The following ITGA6 variants were observed in gnomAD, a reference collection of about 807,000 sequenced individuals.
The protein encoded by ITGA6 is integrin alpha-6.
ITGA6 carries 63 observed loss-of-function variants against 133.6 expected under a neutral mutation model. The ratio of observed to expected loss-of-function variants is 0.47; its 90% CI spans 0.38 to 0.58. The LOEUF (loss-of-function observed/expected upper bound fraction) is 0.58. ITGA6 is among the 20% of genes least tolerant of loss of function. The pLI is 0.00. For missense variants in ITGA6, 1,068 were observed against 1,309.4 expected (o/e 0.82, Z 2.85); for synonymous variants, 434 against 482.0 (o/e 0.90, Z 1.30).
chr2:172,468,464 T>A (rs1174343421), intron 3 of ITGA6, among the ~76,000 whole-genome samples: 3 of 152,256 alleles, frequency 2.0e-5, no homozygotes, highest in Non-Finnish European at 4.4e-5. Flanking sequence ...AAAATTGATT[T>A]GATACTGTAT....
intron 1 of ITGA6, chr2:172,464,395 T>G (rs1253646216): frequency 6.6e-6 from 1 of 152,310 alleles, no homozygotes; most frequent in Non-Finnish European, 1.5e-5. Flanking sequence ...TGGCTTGTTT[T>G]CTGTTGTAAG....
In ITGA6 at chr2:172,504,112, A is replaced by C; in HGVS notation, c.*44A>C. 6.3e-7 allele frequency: 1 copy of C among 1,597,760 alleles called. No individual in the cohort carries two copies. Among genetic ancestry groups the C allele is most frequent in the Non-Finnish European group, 8.5e-7 (1 of 1,171,650 alleles). On this transcript the variant is annotated 3_prime_UTR_variant, in exon 26 of 26. Transcript: ENST00000684293. ...CTAGTGTGGATTCTTTAAACGCTCT[A>C]GGTACGATGACAGTGTTCCCCGATA...
chr2:172,501,201 A>C (rs1167578898), intron 24 of ITGA6, among the ~76,000 whole-genome samples: 1 of 152,184 alleles, frequency 6.6e-6, no homozygotes, highest in Non-Finnish European at 1.5e-5. Context: ...GGAAAATGAC[A>C]GCAATCATTC....
At chr2:172,447,406 T>G (rs1236882021) in intron 1 of ITGA6, among the ~76,000 whole-genome samples, 7 of 152,108 alleles carry the variant, frequency 4.6e-5, no homozygotes, top group Admixed American at 3.3e-4. Context: ...GGTTTTACCA[T>G]GTTGACTAGG....
At chr2:172,447,494 C>T (rs1344604007) in intron 1 of ITGA6, among the ~76,000 whole-genome samples, 2 of 152,118 alleles carry the variant, frequency 1.3e-5, no homozygotes, top group Non-Finnish European at 2.9e-5. Context: ...TGTGAGTCAC[C>T]ACACCCAGCC....
intron 1 of ITGA6, among the ~76,000 whole-genome samples, chr2:172,451,506 G>A (rs1231254240): frequency 1.3e-5 from 2 of 152,062 alleles, no homozygotes; most frequent in African/African-American, 4.8e-5. Flanking sequence ...GCCTGGCTGG[G>A]GGAGAAGCTG....
At chr2:172,441,558 TTA>T (rs1559116481) in intron 1 of ITGA6, among the ~76,000 whole-genome samples, 3 of 64,850 alleles carry the variant, frequency 4.6e-5, no homozygotes, top group East Asian at 1.0e-3. Flanking sequence ...CGCTGTCTCT[TTA>T]AAAAAAAAAA....
At chr2:172,427,403 G>T (rs547926969), upstream of ITGA6, 320 of 1,019,386 alleles carry the variant, frequency 3.1e-4, 1 homozygote, top group African/African-American at 5.1e-3. Flanking sequence ...CCGCGAGCTC[G>T]CCTCCGGGGC....
At chr2:172,465,931 T>C in intron 2 of ITGA6, 1 of 547,060 alleles carries the variant, frequency 1.8e-6, no homozygotes, top group Non-Finnish European at 3.3e-6. Context: ...TGTGTTGAGG[T>C]TCTGCAGGAG....
chr2:172,494,317 G>A (rs1177084217), intron 23 of ITGA6, among the ~76,000 whole-genome samples: 1 of 152,108 alleles, frequency 6.6e-6, no homozygotes, highest in Non-Finnish European at 1.5e-5. Flanking sequence ...GACCAGCCTG[G>A]GTAACATAGC....
intron 1 of ITGA6, among the ~76,000 whole-genome samples, chr2:172,461,291 T>A (rs2149030503): frequency 6.6e-6 from 1 of 152,330 alleles, no homozygotes. Context: ...GCCTTTTAAG[T>A]GTGGGTTTCT....
At position 172,431,009 on chromosome 2, in the gene ITGA6, A is replaced by G. The variant is rs1454723197; in HGVS notation, c.182+3039A>G. 2.6e-5 allele frequency among the ~76,000 whole-genome samples: 4 copies of G among 152,168 alleles called. No homozygotes were observed. The East Asian group carries it at 5.8e-4, about 22-fold the overall frequency. ...AAGAACCTAGAAGAAGGAGATCTATAAGAGATAGTCTCATGAAGTCATTTT... is the reference window on the plus strand; with the variant it reads ...AAGAACCTAGAAGAAGGAGATCTATGAGAGATAGTCTCATGAAGTCATTTT... On this transcript the variant is annotated intron_variant, in intron 1 of 25. Coordinates refer to ENST00000684293, the MANE Select transcript of ITGA6 (RefSeq NM_000210.4).
At chr2:172,480,075 T>C (rs1686366817) in intron 11 of ITGA6, 24 bp downstream of exon 11, 1 of 1,335,280 alleles carries the variant, frequency 7.5e-7, no homozygotes, top group Non-Finnish European at 1.1e-6. Flanking sequence ...ACCTTTAAAA[T>C]ATGTCTACTT....
intron 6 of ITGA6, among the ~76,000 whole-genome samples, chr2:172,474,725 T>C (rs1229423302): frequency 6.6e-6 from 1 of 152,174 alleles, no homozygotes; most frequent in Non-Finnish European, 1.5e-5. Flanking sequence ...ACTCGAGAAA[T>C]TGGCTTTGAG....
intron 9 of ITGA6, among the ~76,000 whole-genome samples, chr2:172,477,900 G>T (rs1686248157): frequency 1.3e-5 from 2 of 152,162 alleles, no homozygotes; most frequent in African/African-American, 4.8e-5. Context: ...GCACTTCAGG[G>T]TAGTTAGTAA....
intron 23 of ITGA6, 72 bp from the exon 24 acceptor site, chr2:172,497,903 T>G: frequency 6.4e-7 from 1 of 1,556,086 alleles, no homozygotes; most frequent in East Asian, 2.3e-5. Context: ...AAAGCAGAAT[T>G]AGAACCATAA....
rs1260623804 is a variant in ITGA6 at position 172,427,660 on chromosome 2, G to A, written c.-129G>A. The A allele has an allele frequency of 1.1e-5, 15 of 1,320,816 alleles. No homozygotes were observed. The highest frequency in any genetic ancestry group is 1.6e-5 in the African/African-American group (1 of 64,218). The allele number at this position is 1,320,816 out of a possible 1,614,324, so 81.8% of individuals were successfully genotyped here. On this transcript the variant is annotated 5_prime_UTR_variant, in exon 1 of 26. It adds an upstream start codon to the 5' untranslated region. Coordinates refer to ENST00000684293, the MANE Select transcript of ITGA6 (RefSeq NM_000210.4). ...ACGGAGAGCGCGACCCGTCCCGGGGGTGGGGCCGGGCGCAGCGGCGAGAGG... is the reference window on the plus strand; with the variant it reads ...ACGGAGAGCGCGACCCGTCCCGGGGATGGGGCCGGGCGCAGCGGCGAGAGG...
intron 24 of ITGA6, among the ~76,000 whole-genome samples, chr2:172,501,423 T>C (rs1687342389): frequency 6.6e-6 from 1 of 152,250 alleles, no homozygotes; most frequent in Non-Finnish European, 1.5e-5. Context: ...TTTGCCTCTT[T>C]TGGAGTTCAT....
rs1687475435 is a variant in ITGA6, at chr2:172,504,382, T to G, written c.*314T>G. On this transcript the variant is annotated 3_prime_UTR_variant, in exon 26 of 26. Transcript: ENST00000684293. ...AGAGTGACTACACACAGTACGAACC[T>G]ACAGTTTTAACTGTGGATATTGTTA... 1.6e-6 allele frequency: 1 copy of G among 634,302 alleles called. No homozygotes were observed. Among genetic ancestry groups the G allele is most frequent in the African/African-American group, 1.9e-5 (1 of 53,644 alleles). 39.3% of individuals were successfully genotyped at this position (634,302 alleles called of 1,614,324 possible). A position where few individuals can be genotyped will look rare whatever the true frequency, so the allele number is the denominator to read the frequency against.
Sources: gnomAD v4.1 joint callset for allele counts (sites outside exome capture counted in the v4.1 genomes callset) on GRCh38, gnomAD v4.1.1 for gene constraint, MANE v1.5 for transcripts, NCBI Gene and HGNC (gene_info 2026-07-23, HGNC 2026-07-21) for gene names.